DAB1: variants seen among roughly 807,000 people sequenced by gnomAD.
The protein encoded by DAB1 is DAB adaptor protein 1.
A neutral mutation model predicts 64.6 loss-of-function variants in DAB1; 15 were observed. That is an observed-to-expected ratio of 0.23 (90% CI 0.16 to 0.36). The LOEUF is 0.36. Ranked by LOEUF, DAB1 falls within the 10% of genes least tolerant of loss-of-function variation. The pLI, the probability that DAB1 is intolerant of heterozygous loss-of-function variation, is 1.00. For synonymous variants in DAB1, 235 were observed against 251.9 expected (o/e 0.93, Z 0.64); for missense variants, 596 against 706.7 (o/e 0.84, Z 1.78).
At chr1:57,908,088 A>G (rs899196577) in intron 5 of DAB1, among the ~76,000 whole-genome samples, 15 of 152,206 alleles carry the variant, frequency 9.9e-5, no homozygotes, top group African/African-American at 3.6e-4. Flanking sequence ...TATGCAATCC[A>G]TCATTGCCTG....
rs147499249 is a variant in DAB1 at position 58,340,365 on chromosome 1, G to C, written n.309+2987C>G. ...GGAAATCTTGTCACCCTCATGAGCC[G>C]GGCCCCTTAAACAAAGAAGCCTTCA... On this transcript the variant is annotated intron_variant and non_coding_transcript_variant, in intron 4 of 20. Coordinates refer to the DAB1 transcript ENST00000485760. Among the ~76,000 whole-genome samples, 45 of 152,224 alleles carry C rather than the reference G, an allele frequency of 3.0e-4. No homozygotes were observed. In the East Asian group the frequency reaches 8.3e-3, roughly 28 times the overall value.
chr1:57,023,127 G>T (rs999090142), intron 11 of DAB1, among the ~76,000 whole-genome samples: 4 of 152,186 alleles, frequency 2.6e-5, no homozygotes, highest in African/African-American at 9.7e-5. Flanking sequence ...ACCAAGTAAG[G>T]CAGACCCCTT....
intron 5 of DAB1, among the ~76,000 whole-genome samples, chr1:57,978,724 A>G (rs527609948): frequency 6.6e-6 from 1 of 152,334 alleles, no homozygotes; most frequent in East Asian, 1.9e-4. Context: ...TTACAAGAAA[A>G]AAACAAACAA....
At chr1:58,480,189 C>T (rs1382699677) in intron 3 of DAB1, among the ~76,000 whole-genome samples, 1 of 152,106 alleles carries the variant, frequency 6.6e-6, no homozygotes, top group Non-Finnish European at 1.5e-5. Flanking sequence ...TCAGGAAGGT[C>T]AACTTGGGGA....
chr1:57,421,620 G>A (rs2101089374), intron 1 of DAB1, among the ~76,000 whole-genome samples: 1 of 152,148 alleles, frequency 6.6e-6, no homozygotes, highest in South Asian at 2.1e-4. Context: ...TCAAACCACT[G>A]CATTTTGAAC....
chr1:58,275,038 T>G (rs1475013018), intron 4 of DAB1, among the ~76,000 whole-genome samples: 1 of 152,136 alleles, frequency 6.6e-6, no homozygotes, highest in Non-Finnish European at 1.5e-5. Flanking sequence ...CCCCCTATAC[T>G]CAAATGATTT....
intron 1 of DAB1, chr1:57,876,756 G>A (rs2101964527): frequency 6.6e-6 from 1 of 152,062 alleles, no homozygotes; most frequent in East Asian, 1.9e-4. Context: ...GACATACAGT[G>A]GGCCTCGATT....
intron 6 of DAB1, among the ~76,000 whole-genome samples, chr1:57,708,347 C>T (rs537426437): frequency 6.6e-6 from 1 of 152,266 alleles, no homozygotes; most frequent in African/African-American, 2.4e-5. Context: ...TGTAAGACGT[C>T]GTTCTCTGTA....
At chr1:58,363,794 A>C (rs1360879087) in intron 3 of DAB1, among the ~76,000 whole-genome samples, 1 of 152,174 alleles carries the variant, frequency 6.6e-6, no homozygotes, top group East Asian at 1.9e-4. Flanking sequence ...GTTGAGTCTA[A>C]TCACATCCAG....
chr1:57,735,791 C>A (rs1299099941), intron 6 of DAB1, among the ~76,000 whole-genome samples: 1 of 152,008 alleles, frequency 6.6e-6, no homozygotes, highest in East Asian at 1.9e-4. Context: ...TAAATATCCA[C>A]AAACATACTC....
intron 2 of DAB1, among the ~76,000 whole-genome samples, chr1:57,276,050 AG>A (rs1465623374): frequency 2.6e-5 from 4 of 152,256 alleles, no homozygotes; most frequent in Non-Finnish European, 5.9e-5. Context: ...TATTGCAAAA[AG>A]TTTATGATAT....
chr1:57,562,280 G>A (rs1371010449), intron 7 of DAB1, among the ~76,000 whole-genome samples: 1 of 152,240 alleles, frequency 6.6e-6, no homozygotes, highest in Non-Finnish European at 1.5e-5. Context: ...GGCTGAGGCA[G>A]GGGAATCGCT....
intron 7 of DAB1, among the ~76,000 whole-genome samples, chr1:57,524,789 C>A (rs1368703210): frequency 6.6e-6 from 1 of 152,106 alleles, no homozygotes; most frequent in African/African-American, 2.4e-5. Context: ...TTACTTCAGG[C>A]CATCTGGATG....
At chr1:58,072,076 T>G in intron 5 of DAB1, among the ~76,000 whole-genome samples, 1 of 61,814 alleles carries the variant, frequency 1.6e-5, no homozygotes, top group South Asian at 6.4e-4. Context: ...GCAAACATTA[T>G]TGGTGGGGTG....
At chr1:58,026,021 C>A (rs1364857299) in intron 5 of DAB1, among the ~76,000 whole-genome samples, 52 of 152,172 alleles carry the variant, frequency 3.4e-4, no homozygotes, top group Non-Finnish European at 6.0e-4. Context: ...ACTCATGCAA[C>A]TTCTCTAATA....
intron 4 of DAB1, among the ~76,000 whole-genome samples, chr1:58,296,969 C>A (rs1300759872): frequency 1.3e-5 from 2 of 152,122 alleles, no homozygotes; most frequent in Admixed American, 6.5e-5. Context: ...TGACATATAG[C>A]AATATTCAGT....
chr1:58,467,498 A>C (rs1435492016), intron 3 of DAB1, among the ~76,000 whole-genome samples: 1 of 152,220 alleles, frequency 6.6e-6, no homozygotes. Context: ...ACTGGGGATT[A>C]AGAAATGAGT....
At chr1:57,026,149 A>T in intron 9 of DAB1, 106 bp from the exon 10 acceptor site, 1 of 816,352 alleles carries the variant, frequency 1.2e-6, no homozygotes, top group Non-Finnish European at 2.0e-6. Flanking sequence ...GTTTTTCATC[A>T]TCTCTAGATA....
chr1:58,439,270 A>C (rs1644981388), intron 3 of DAB1, among the ~76,000 whole-genome samples: 1 of 147,956 alleles, frequency 6.8e-6, no homozygotes, highest in South Asian at 2.1e-4. Flanking sequence ...CACCTCCTCC[A>C]GGAAGCCTTT....
Sources: allele counts gnomAD v4.1 joint callset (sites outside exome capture counted in the v4.1 genomes callset), GRCh38; gene constraint gnomAD v4.1.1; transcripts MANE v1.5; gene names NCBI Gene and HGNC (gene_info 2026-07-23, HGNC 2026-07-21).